PIEZO2: variants seen among roughly 807,000 people sequenced by gnomAD.
PIEZO2 encodes piezo type mechanosensitive ion channel component 2, also known as piezo-type mechanosensitive ion channel component 2.
Under a neutral mutation model 337.3 loss-of-function variants are expected in PIEZO2, and 172 were observed. The ratio of observed to expected loss-of-function variants is 0.51; its 90% CI spans 0.45 to 0.58. The LOEUF (loss-of-function observed/expected upper bound fraction) is 0.58. Ranked by LOEUF, PIEZO2 falls within the 20% of genes least tolerant of loss-of-function variation. PIEZO2 has a pLI of 0.00. For synonymous variants in PIEZO2, 1,251 were observed against 1,228.5 expected (o/e 1.02, Z -0.38); for missense variants, 3,028 against 3,391.3 (o/e 0.89, Z 2.66).
Position 11,111,214 on chromosome 18 carries a change from G to A in PIEZO2, c.64+37311C>T, listed in dbSNP as rs1056826166. On this transcript the variant is annotated intron_variant, in intron 1 of 55. Transcript: ENST00000674853. This position sits in a 1 kb window ranked among gnomAD's most constrained non-coding sequence, Gnocchi z 6.2. ...CTGACGCCAGCCCAGGACTCTGGCCGCACCTGGGTCCCCCAGATGGAGATC... is the reference window on the plus strand; with the variant it reads ...CTGACGCCAGCCCAGGACTCTGGCCACACCTGGGTCCCCCAGATGGAGATC... Among the ~76,000 whole-genome samples, 3 of 152,110 alleles carry A rather than the reference G, an allele frequency of 2.0e-5. No homozygotes were observed. The highest frequency in any genetic ancestry group is 2.9e-5 in the Non-Finnish European group (2 of 68,010).
intron 36 of PIEZO2, chr18:10,725,560 C>G: frequency 7.3e-7 from 1 of 1,367,278 alleles, no homozygotes; most frequent in Non-Finnish European, 9.9e-7. Context: ...CCTTTTGTTT[C>G]TCCCCTGTCC....
chr18:11,049,829 C>T (rs934114720), intron 2 of PIEZO2, among the ~76,000 whole-genome samples: 1 of 152,140 alleles, frequency 6.6e-6, no homozygotes, highest in Non-Finnish European at 1.5e-5. Flanking sequence ...GTCCATTAAA[C>T]CTCTTTTTCT....
intron 47 of PIEZO2, among the ~76,000 whole-genome samples, chr18:10,692,409 A>G (rs925614862): frequency 3.3e-5 from 5 of 151,810 alleles, no homozygotes; most frequent in African/African-American, 9.7e-5. Flanking sequence ...CAAGCACCAT[A>G]TTTCTCTCTG....
At chr18:11,066,264 A>G (rs1217134215) in intron 1 of PIEZO2, 42 bp from the exon 2 acceptor site, 2 of 1,484,944 alleles carry the variant, frequency 1.3e-6, no homozygotes, top group Non-Finnish European at 9.1e-7. Context: ...GATCATTAAC[A>G]AAGGCAGGTT....
chr18:10,923,580 G>C (rs957571992), intron 3 of PIEZO2, among the ~76,000 whole-genome samples: 15 of 152,208 alleles, frequency 9.9e-5, no homozygotes, highest in African/African-American at 3.6e-4. Flanking sequence ...CAACATCTTT[G>C]TAAGTTAATA....
chr18:10,906,841 G>A (rs763703277), intron 4 of PIEZO2, among the ~76,000 whole-genome samples: 4 of 151,974 alleles, frequency 2.6e-5, no homozygotes, highest in Non-Finnish European at 5.9e-5. Context: ...GATTACAGGA[G>A]TGAGCCACCA....
chr18:10,966,095 G>A lies in PIEZO2; in HGVS notation c.286+13440C>T, dbSNP rs192013337. Among the ~76,000 whole-genome samples, 81 of 152,220 alleles carry A rather than the reference G, an allele frequency of 5.3e-4. 1 individual carries two copies. Among genetic ancestry groups the A allele is most frequent in the Non-Finnish European group, 9.0e-4 (61 of 68,026 alleles). ...ATGCAAAAATGAAAGTGTCCAACCA[G>A]GTCCCTCATTGACACCTGGAGTTCA... On this transcript the variant is annotated intron_variant, in intron 3 of 55. Coordinates refer to ENST00000674853, the MANE Select transcript of PIEZO2 (RefSeq NM_001378183.1).
At chr18:10,918,312 AC>A (rs1231237705) in intron 3 of PIEZO2, among the ~76,000 whole-genome samples, 22 of 152,068 alleles carry the variant, frequency 1.4e-4, no homozygotes, top group Non-Finnish European at 2.5e-4. Context: ...ATTTAATGAC[AC>A]ATTGTTTTTT....
chr18:10,798,421 T>C (rs1193094280), intron 11 of PIEZO2, among the ~76,000 whole-genome samples: 1 of 152,192 alleles, frequency 6.6e-6, no homozygotes, highest in Non-Finnish European at 1.5e-5. Context: ...CGATGGTGTG[T>C]CCTTGGCAGA....
chr18:10,839,710 C>T (rs971213307), intron 7 of PIEZO2, among the ~76,000 whole-genome samples: 1 of 152,146 alleles, frequency 6.6e-6, no homozygotes, highest in African/African-American at 2.4e-5. Context: ...TGGCTTTCTG[C>T]ACTTGCATTT....
chr18:10,735,687 G>T (rs2036968081), intron 34 of PIEZO2, among the ~76,000 whole-genome samples: 1 of 152,164 alleles, frequency 6.6e-6, no homozygotes, highest in Non-Finnish European at 1.5e-5. Context: ...ACAGACACAA[G>T]AAGCAATGGG....
At position 11,149,436 on chromosome 18, in the gene PIEZO2, C is replaced by T. The variant is rs901961404; in HGVS notation, c.-848G>A. The stretch of plus-strand genomic sequence containing the variant: ...GTGGGTCTCCCACTCCCTCCTCCAC[C>T]GCCTCAATTTAAAACTCAAGAGAAA... On this transcript the variant is annotated 5_prime_UTR_variant, in exon 1 of 56. Transcript: ENST00000674853. This position sits in a 1 kb window ranked among gnomAD's most constrained non-coding sequence, Gnocchi z 8.7. Among the ~76,000 whole-genome samples the T allele has an allele frequency of 6.6e-6, 1 of 152,180 alleles. No homozygotes were observed. The highest frequency in any genetic ancestry group is 6.5e-5 in the Admixed American group (1 of 15,300).
Position 10,671,194 on chromosome 18 carries a change from ATCTT to A in PIEZO2, c.*329_*332del, listed in dbSNP as rs1357899451. 2.7e-5 allele frequency: 6 copies of A among 220,752 alleles called. No homozygotes were observed. The highest frequency in any genetic ancestry group is 1.4e-4 in the African/African-American group (6 of 42,664). 13.7% of individuals were successfully genotyped at this position (220,752 alleles called of 1,614,324 possible). On this transcript the variant is annotated 3_prime_UTR_variant, in exon 56 of 56. Transcript: ENST00000674853. ...GGGCCCCACAGAGGAAAACACAGGC[ATCTT>A]TCTTTCTGACTCCTCTTCTGTTTCT...
intron 3 of PIEZO2, among the ~76,000 whole-genome samples, chr18:10,958,035 G>T (rs2033615903): frequency 6.6e-6 from 1 of 152,168 alleles, no homozygotes; most frequent in African/African-American, 2.4e-5. Context: ...AGAATGTGGA[G>T]GAAAGGGAAC....
chr18:10,828,665 C>T lies in PIEZO2; in HGVS notation c.918-21391G>A, dbSNP rs79914669. On this transcript the variant is annotated intron_variant, in intron 7 of 55. Transcript: ENST00000674853. This position sits in a 1 kb window ranked among gnomAD's most constrained non-coding sequence, Gnocchi z 4.1. ...TCCTTATGCCAATAATAGCACCATG[C>T]GGGTGGCAATACTGGTCATATGTTC... Among the ~76,000 whole-genome samples, 5,081 of 152,182 alleles carry T rather than the reference C, an allele frequency of 0.033. 95 individuals carry two copies. Among genetic ancestry groups the T allele is most frequent in the Admixed American group, 0.046 (700 of 15,284 alleles).
intron 7 of PIEZO2, among the ~76,000 whole-genome samples, chr18:10,825,586 T>C (rs1034842298): frequency 6.9e-6 from 1 of 145,136 alleles, no homozygotes; most frequent in Non-Finnish European, 1.5e-5. Context: ...AATCTTGTTT[T>C]GTCACCCAGG....
chr18:11,041,175 G>T (rs540034071), intron 2 of PIEZO2, among the ~76,000 whole-genome samples: 4 of 152,312 alleles, frequency 2.6e-5, no homozygotes, highest in Non-Finnish European at 2.9e-5. Context: ...TCTCATCACT[G>T]CCCAAAAGTT....
intron 26 of PIEZO2, among the ~76,000 whole-genome samples, chr18:10,758,686 G>A (rs551390863): frequency 5.9e-5 from 9 of 152,274 alleles, no homozygotes; most frequent in African/African-American, 1.2e-4. Flanking sequence ...TATGTGTGGT[G>A]GATGCAGACA....
chr18:10,772,527 CTGAGA>C (rs2038640826), intron 20 of PIEZO2, among the ~76,000 whole-genome samples: 1 of 151,794 alleles, frequency 6.6e-6, no homozygotes, highest in Non-Finnish European at 1.5e-5. Context: ...CCTCTGTGTT[CTGAGA>C]TGAGTGGGGA....
Sources: gnomAD v4.1 joint callset for allele counts (sites outside exome capture counted in the v4.1 genomes callset) on GRCh38, gnomAD v4.1.1 for gene constraint, Gnocchi (gnomAD v3.1) non-coding constraint, MANE v1.5 for transcripts, NCBI Gene and HGNC (gene_info 2026-07-23, HGNC 2026-07-21) for gene names.